NRXN3: variants seen among roughly 807,000 people sequenced by gnomAD.
NRXN3 encodes the protein neurexin 3, also known as neurexin III.
Under a neutral mutation model 137.6 loss-of-function variants are expected in NRXN3, and 32 were observed. That is an observed-to-expected ratio of 0.23 (90% CI 0.18 to 0.31). NRXN3 has a LOEUF of 0.31. Among genes scored for constraint, NRXN3 ranks in the 10% least tolerant of loss-of-function variants. NRXN3 has a pLI of 1.00. For synonymous variants in NRXN3, 798 were observed against 784.5 expected (o/e 1.02, Z -0.29); for missense variants, 1,574 against 2,062.5 (o/e 0.76, Z 4.59).
chr14:78,173,823 A>G (rs1057381985), intron 1 of NRXN3, among the ~76,000 whole-genome samples: 4 of 147,296 alleles, frequency 2.7e-5, no homozygotes, highest in African/African-American at 1.0e-4. Context: ...ACACTGGCAT[A>G]CGCTCTTGCA....
chr14:79,826,989 G>C (rs938757917), intron 20 of NRXN3, among the ~76,000 whole-genome samples: 13 of 152,196 alleles, frequency 8.5e-5, no homozygotes, highest in Middle Eastern at 3.4e-3. Context: ...ATTCCTTAGA[G>C]AGCACGGATA....
intron 10 of NRXN3, among the ~76,000 whole-genome samples, chr14:78,880,025 G>A (rs2152635797): frequency 7.1e-6 from 1 of 141,450 alleles, no homozygotes; most frequent in African/African-American, 3.2e-5. Context: ...GGATCACGAG[G>A]TCAGGAGATC....
At chr14:78,806,950 A>G (rs1239332975) in intron 9 of NRXN3, among the ~76,000 whole-genome samples, 1 of 152,228 alleles carries the variant, frequency 6.6e-6, no homozygotes, top group Non-Finnish European at 1.5e-5. Context: ...TGTGTAGCAC[A>G]GAGAGAAATA....
chr14:78,559,090 G>A (rs2096764482), intron 4 of NRXN3, among the ~76,000 whole-genome samples: 2 of 152,098 alleles, frequency 1.3e-5, no homozygotes, highest in Admixed American at 1.3e-4. Flanking sequence ...ACTGTCATCA[G>A]TAGCACAAGG....
At chr14:79,812,303 A>G (rs2099236941) in intron 20 of NRXN3, among the ~76,000 whole-genome samples, 1 of 152,186 alleles carries the variant, frequency 6.6e-6, no homozygotes. Flanking sequence ...AGGCACTAGA[A>G]TAGGTGCTGG....
chr14:78,888,790 T>C (rs1408390174), intron 10 of NRXN3, among the ~76,000 whole-genome samples: 2 of 151,094 alleles, frequency 1.3e-5, no homozygotes, highest in Non-Finnish European at 2.9e-5. Flanking sequence ...GCTTCACTGA[T>C]GCAGATGACA....
intron 4 of NRXN3, among the ~76,000 whole-genome samples, chr14:78,368,423 G>A (rs539585326): frequency 2.0e-4 from 30 of 152,300 alleles, no homozygotes; most frequent in Non-Finnish European, 3.7e-4. Flanking sequence ...GTAAAAAATT[G>A]GAGATGGCCG....
chr14:78,333,211 C>T (rs2081045485), intron 4 of NRXN3, among the ~76,000 whole-genome samples: 1 of 152,120 alleles, frequency 6.6e-6, no homozygotes, highest in African/African-American at 2.4e-5. Flanking sequence ...TTCTGCAGGC[C>T]TAAGGGAGAC....
chr14:79,709,261 T>C (rs534696153), intron 19 of NRXN3, among the ~76,000 whole-genome samples: 235 of 152,264 alleles, frequency 1.5e-3, no homozygotes, highest in Non-Finnish European at 2.5e-3. Flanking sequence ...ATGGTATCTG[T>C]TTACCTATCT....
intron 19 of NRXN3, among the ~76,000 whole-genome samples, chr14:79,732,996 A>G (rs1297780104): frequency 6.6e-6 from 1 of 152,210 alleles, no homozygotes; most frequent in Non-Finnish European, 1.5e-5. Flanking sequence ...CTGTTAAATA[A>G]GCATTACATG....
chr14:78,723,688 G>A (rs2098470388), intron 8 of NRXN3, among the ~76,000 whole-genome samples: 2 of 152,182 alleles, frequency 1.3e-5, no homozygotes, highest in South Asian at 2.1e-4. Flanking sequence ...TAGAATCAAA[G>A]TGTATAATGT....
At chr14:78,979,864 T>C (rs1448068464) in intron 14 of NRXN3, among the ~76,000 whole-genome samples, 1 of 152,068 alleles carries the variant, frequency 6.6e-6, no homozygotes, top group East Asian at 1.9e-4. Flanking sequence ...TTATTCACTA[T>C]CGTGAGAACA....
chr14:78,865,743 GT>G (rs2099085139), intron 10 of NRXN3, among the ~76,000 whole-genome samples: 1 of 152,092 alleles, frequency 6.6e-6, no homozygotes, highest in Non-Finnish European at 1.5e-5. Flanking sequence ...AGAGACCATG[GT>G]TTTCCAGGCA....
intron 4 of NRXN3, among the ~76,000 whole-genome samples, chr14:78,341,037 T>C (rs1162770507): frequency 6.6e-6 from 1 of 152,222 alleles, no homozygotes; most frequent in Non-Finnish European, 1.5e-5. Flanking sequence ...GTATATTCCA[T>C]GAAATGTTTG....
rs74067014 is a variant in NRXN3 at position 79,010,455 on chromosome 14, C to T, written c.3262+22314C>T. Among the ~76,000 whole-genome samples, 1,364 of 152,250 alleles carry T rather than the reference C, an allele frequency of 9.0e-3. 24 individuals carry two copies. The highest frequency in any genetic ancestry group is 0.03 in the African/African-American group (1,263 of 41,548). On this transcript the variant is annotated intron_variant, in intron 15 of 20. Coordinates refer to ENST00000335750, the MANE Select transcript of NRXN3 (RefSeq NM_001330195.2). ...ATCCAGCATCCATATGAGTGTAACT[C>T]ATACCTAGGCTGATAACAAAATCTG...
intron 19 of NRXN3, among the ~76,000 whole-genome samples, chr14:79,763,413 G>A (rs1188504143): frequency 3.0e-5 from 2 of 67,162 alleles, no homozygotes; most frequent in African/African-American, 9.0e-5. Flanking sequence ...ATAATCCTTT[G>A]GGTATACACC....
At chr14:78,592,391 C>T (rs1247662408) in intron 4 of NRXN3, among the ~76,000 whole-genome samples, 1 of 152,074 alleles carries the variant, frequency 6.6e-6, no homozygotes, top group Non-Finnish European at 1.5e-5. Context: ...ATCGTGTGTT[C>T]TCTGACACAG....
chr14:79,521,923 A>G (rs538568802), intron 16 of NRXN3, among the ~76,000 whole-genome samples: 1 of 152,264 alleles, frequency 6.6e-6, no homozygotes, highest in Non-Finnish European at 1.5e-5. Flanking sequence ...GTAAACTATC[A>G]TTGAGTATAG....
intron 16 of NRXN3, among the ~76,000 whole-genome samples, chr14:79,558,835 A>C (rs1342264948): frequency 6.6e-6 from 1 of 152,172 alleles, no homozygotes; most frequent in Non-Finnish European, 1.5e-5. Flanking sequence ...TTGAAAATCT[A>C]GTGCAGCCAT....
Sources: gnomAD v4.1 joint callset for allele counts (sites outside exome capture counted in the v4.1 genomes callset) on GRCh38, gnomAD v4.1.1 for gene constraint, MANE v1.5 for transcripts, NCBI Gene and HGNC (gene_info 2026-07-23, HGNC 2026-07-21) for gene names.